MAPK10: variants seen among roughly 807,000 people sequenced by gnomAD.
MAPK10 encodes the protein JNK3 alpha protein kinase.
A neutral mutation model predicts 59.3 loss-of-function variants in MAPK10; 25 were observed. The observed-to-expected ratio is 0.42, with a 90% CI of 0.31 to 0.59. The LOEUF (loss-of-function observed/expected upper bound fraction) is 0.59. MAPK10 is among the 20% of genes least tolerant of loss of function. The pLI is 0.15. For missense variants in MAPK10, 351 were observed against 568.9 expected (o/e 0.62, Z 3.90); for synonymous variants, 190 against 200.5 (o/e 0.95, Z 0.44).
At chr4:86,294,597 A>G (rs2148827771) in intron 2 of MAPK10, among the ~76,000 whole-genome samples, 1 of 152,318 alleles carries the variant, frequency 6.6e-6, no homozygotes, top group East Asian at 1.9e-4. Context: ...CCAGAGCAAA[A>G]TTGTGTTGTT....
intron 1 of MAPK10, among the ~76,000 whole-genome samples, chr4:86,510,613 A>G (rs1338958992): frequency 6.6e-6 from 1 of 152,172 alleles, no homozygotes. Context: ...ATAAATATAC[A>G]TGAATATATC....
At chr4:86,266,394 T>C (rs1464319057) in intron 2 of MAPK10, among the ~76,000 whole-genome samples, 3 of 152,166 alleles carry the variant, frequency 2.0e-5, no homozygotes, top group African/African-American at 7.2e-5. Context: ...TAATAGTCTC[T>C]ACCTCACAGT....
intron 9 of MAPK10, among the ~76,000 whole-genome samples, chr4:86,092,056 A>G (rs1003840169): frequency 6.6e-5 from 10 of 152,148 alleles, no homozygotes; most frequent in East Asian, 1.9e-4. Flanking sequence ...AGATACTCCA[A>G]TGTAAAAGAA....
At chr4:86,568,128 C>A (rs889754214) in intron 1 of MAPK10, among the ~76,000 whole-genome samples, 6 of 152,148 alleles carry the variant, frequency 3.9e-5, no homozygotes, top group African/African-American at 1.4e-4. Context: ...ATATAAAAAT[C>A]AGTAGCATTT....
chr4:86,463,902 A>T (rs749698135), intron 1 of MAPK10, among the ~76,000 whole-genome samples: 18 of 152,154 alleles, frequency 1.2e-4, no homozygotes, highest in South Asian at 4.1e-4. Context: ...AGATTTGCTA[A>T]TTTTTCCAAC....
chr4:86,463,102 T>C (rs1420594722), intron 1 of MAPK10, among the ~76,000 whole-genome samples: 3 of 152,232 alleles, frequency 2.0e-5, no homozygotes, highest in Non-Finnish European at 4.4e-5. Flanking sequence ...TTCTCCAGTT[T>C]TCGCAATTAA....
chr4:86,027,481 A>G (rs750839099), intron 13 of MAPK10: 20 of 152,246 alleles, frequency 1.3e-4, no homozygotes, highest in Non-Finnish European at 2.6e-4. Context: ...AAAAATGCCA[A>G]TAGCAAGAAT....
chr4:86,511,231 C>T (rs1392714504), intron 1 of MAPK10, among the ~76,000 whole-genome samples: 1 of 152,072 alleles, frequency 6.6e-6, no homozygotes, highest in Non-Finnish European at 1.5e-5. Flanking sequence ...TGCCTGTAAT[C>T]CCAACATTTT....
At chr4:86,374,012 C>T (rs1293812573) in intron 1 of MAPK10, among the ~76,000 whole-genome samples, 1 of 152,074 alleles carries the variant, frequency 6.6e-6, no homozygotes, top group Non-Finnish European at 1.5e-5. Context: ...ATCCAAATGA[C>T]CATCAATAAC....
At chr4:86,082,536 G>C (rs1436476565) in intron 9 of MAPK10, among the ~76,000 whole-genome samples, 1 of 152,140 alleles carries the variant, frequency 6.6e-6, no homozygotes, top group East Asian at 1.9e-4. Flanking sequence ...GGCGGGAAAA[G>C]TTGTAAGAAA....
intron 1 of MAPK10, among the ~76,000 whole-genome samples, chr4:86,592,217 A>G (rs954022666): frequency 6.6e-6 from 1 of 152,140 alleles, no homozygotes; most frequent in Admixed American, 6.5e-5. Flanking sequence ...CATTATATCC[A>G]AAAGGAATTT....
chr4:86,507,328 T>C (rs1755813780), intron 1 of MAPK10, among the ~76,000 whole-genome samples: 1 of 151,710 alleles, frequency 6.6e-6, no homozygotes. Context: ...CCAAATACAA[T>C]TTGGCTATAT....
chr4:86,549,442 G>A (rs986870766), intron 1 of MAPK10, among the ~76,000 whole-genome samples: 2 of 152,144 alleles, frequency 1.3e-5, no homozygotes, highest in Admixed American at 6.5e-5. Flanking sequence ...AATGGTATTT[G>A]TGTATCTAAA....
At chr4:86,174,475 G>T (rs2075207816) in intron 3 of MAPK10, among the ~76,000 whole-genome samples, 1 of 152,156 alleles carries the variant, frequency 6.6e-6, no homozygotes, top group Admixed American at 6.6e-5. Flanking sequence ...CAGGGGGGTG[G>T]TGGAAGGGAG....
intron 11 of MAPK10, among the ~76,000 whole-genome samples, chr4:86,056,219 A>C (rs78285532): frequency 6.7e-6 from 1 of 150,224 alleles, no homozygotes; most frequent in African/African-American, 2.5e-5. Context: ...TGCTACACTC[A>C]AACTAACCAA....
intron 4 of MAPK10, among the ~76,000 whole-genome samples, chr4:86,113,309 T>A (rs1268025064): frequency 6.6e-6 from 1 of 152,212 alleles, no homozygotes; most frequent in African/African-American, 2.4e-5. Context: ...CTTCATAGTG[T>A]CATTGGTCTC....
At chr4:86,143,503 C>A (rs563053652) in intron 4 of MAPK10, among the ~76,000 whole-genome samples, 4 of 152,310 alleles carry the variant, frequency 2.6e-5, no homozygotes, top group African/African-American at 9.6e-5. Context: ...GGAACTCAGA[C>A]TTCAGTGGAA....
In MAPK10 at chr4:86,564,124, G is replaced by A. The variant is rs149870264; in HGVS notation, c.-263+29786C>T. ...TGGGATTACAGGCATAAGCCACCAC[G>A]CCTGGCCCAAAACTTATGAATTGCT... On this transcript the variant is annotated intron_variant, in intron 1 of 4. Coordinates refer to the MAPK10 transcript ENST00000502302. Among the ~76,000 whole-genome samples, 175 of 152,230 alleles carry A rather than the reference G, an allele frequency of 1.1e-3. 2 individuals are homozygous for A. The highest frequency in any genetic ancestry group is 4.0e-3 in the African/African-American group (167 of 41,544).
intron 11 of MAPK10, among the ~76,000 whole-genome samples, chr4:86,046,288 C>T (rs550789098): frequency 1.4e-4 from 21 of 151,378 alleles, no homozygotes; most frequent in African/African-American, 4.4e-4. Context: ...TATTTGAATA[C>T]GCTTTATTTC....
Sources: gnomAD v4.1 joint callset for allele counts (sites outside exome capture counted in the v4.1 genomes callset) on GRCh38, gnomAD v4.1.1 for gene constraint, MANE v1.5 for transcripts, NCBI Gene and HGNC (gene_info 2026-07-23, HGNC 2026-07-21) for gene names.